GMPR: variants seen among roughly 807,000 people sequenced by gnomAD.
GMPR encodes the protein GMP reductase 1.
Under a neutral mutation model 38.4 loss-of-function variants are expected in GMPR, and 31 were observed. That is an observed-to-expected ratio of 0.81 (90% CI 0.61 to 1.09). The LOEUF (loss-of-function observed/expected upper bound fraction) is 1.09, where lower values mean the gene tolerates loss of function less well. Among genes scored for constraint, GMPR ranks in the 50% least tolerant of loss-of-function variants. GMPR has a pLI of 0.00. For missense variants in GMPR, 468 were observed against 453.7 expected, an observed-to-expected ratio of 1.03 and a Z score of -0.29; for synonymous variants, 162 against 173.3, an observed-to-expected ratio of 0.93 and a Z score of 0.51.
At chr6:16,246,498 G>C (rs1758757662) in intron 1 of GMPR, among the ~76,000 whole-genome samples, 1 of 152,184 alleles carries the variant, frequency 6.6e-6, no homozygotes, top group Non-Finnish European at 1.5e-5. Context: ...GCCATGGTTG[G>C]CAAGGAAGAG....
chr6:16,247,169 G>A (rs186087576), intron 2 of GMPR, among the ~76,000 whole-genome samples: 111 of 152,272 alleles, frequency 7.3e-4, no homozygotes, highest in Non-Finnish European at 1.4e-3. Context: ...CATTGCTTCT[G>A]TGAAAATGAC....
intron 6 of GMPR, 65 bp downstream of exon 6, chr6:16,278,955 C>T: frequency 1.1e-6 from 1 of 949,406 alleles, no homozygotes; most frequent in Non-Finnish European, 1.7e-6. Context: ...CGCTGCTCTT[C>T]TTTCACTGGC....
At chr6:16,265,828 A>T (rs1381981552) in intron 4 of GMPR, among the ~76,000 whole-genome samples, 1 of 151,464 alleles carries the variant, frequency 6.6e-6, no homozygotes, top group Middle Eastern at 3.4e-3. Context: ...CACGCCATGG[A>T]GGTTTTCTTC....
Position 16,276,610 on chromosome 6 carries a change from T to G in GMPR, c.547+2114T>G, listed in dbSNP as rs768390184. On this transcript the variant is annotated intron_variant, in intron 5 of 8. Transcript: ENST00000259727. ...CTGTATCTCCCCACCCCTCTGGCTGTCTGTGTAGGACAGATGTGACTAAAG... is the reference window on the plus strand; with the variant it reads ...CTGTATCTCCCCACCCCTCTGGCTGGCTGTGTAGGACAGATGTGACTAAAG... Among the ~76,000 whole-genome samples, 9 of 152,186 alleles carry G rather than the reference T, an allele frequency of 5.9e-5. No homozygotes were observed. In the South Asian group the frequency reaches 6.2e-4, roughly 11 times the overall value.
At chr6:16,281,377 A>G (rs2113698854) in intron 6 of GMPR, among the ~76,000 whole-genome samples, 1 of 152,276 alleles carries the variant, frequency 6.6e-6, no homozygotes, top group Middle Eastern at 3.4e-3. Context: ...AACTTCTCTG[A>G]ATTTAACAGT....
At chr6:16,263,788 T>C (rs545357963) in intron 4 of GMPR, among the ~76,000 whole-genome samples, 12 of 88,496 alleles carry the variant, frequency 1.4e-4, no homozygotes, top group Non-Finnish European at 2.9e-4. Flanking sequence ...GGTGCAGAGA[T>C]AGGTCAGGGC....
intron 2 of GMPR, among the ~76,000 whole-genome samples, chr6:16,249,446 A>T (rs946199232): frequency 6.6e-6 from 1 of 152,192 alleles, no homozygotes; most frequent in African/African-American, 2.4e-5. Flanking sequence ...CTGGGATTAC[A>T]GGAATGTGCC....
intron 4 of GMPR, 76 bp from the exon 5 acceptor site, chr6:16,274,339 G>T (rs752919227): frequency 2.1e-5 from 19 of 917,188 alleles, no homozygotes; most frequent in Non-Finnish European, 3.3e-5. Flanking sequence ...ACATCCTCGT[G>T]TTCAGGTGTG....
intron 4 of GMPR, among the ~76,000 whole-genome samples, chr6:16,271,220 T>G (rs928514005): frequency 5.3e-5 from 8 of 152,174 alleles, no homozygotes; most frequent in Non-Finnish European, 8.8e-5. Context: ...GCGCAGTGGC[T>G]CATGCCTGTA....
At chr6:16,249,913 G>T (rs1365640373) in intron 2 of GMPR, among the ~76,000 whole-genome samples, 1 of 152,174 alleles carries the variant, frequency 6.6e-6, no homozygotes, top group Non-Finnish European at 1.5e-5. Context: ...TCTGGGCAGG[G>T]GACCTGCTGC....
chr6:16,263,110 G>A (rs1032750120), intron 4 of GMPR: 9 of 152,004 alleles, frequency 5.9e-5, no homozygotes, highest in Non-Finnish European at 1.2e-4. Context: ...AAGACTCAGC[G>A]ACGCTTGGGG....
At chr6:16,276,888 T>C (rs183275002) in intron 5 of GMPR, among the ~76,000 whole-genome samples, 1 of 152,356 alleles carries the variant, frequency 6.6e-6, no homozygotes, top group African/African-American at 2.4e-5. Flanking sequence ...AACTTCTTCT[T>C]TCACCTAGGT....
chr6:16,287,187 G>T (rs1311612462), intron 7 of GMPR, among the ~76,000 whole-genome samples: 1 of 152,246 alleles, frequency 6.6e-6, no homozygotes, highest in Non-Finnish European at 1.5e-5. Context: ...AGAACAGGGA[G>T]AATACAGAGC....
chr6:16,279,330 T>A (rs758219181), intron 6 of GMPR, among the ~76,000 whole-genome samples: 4 of 152,186 alleles, frequency 2.6e-5, no homozygotes, highest in East Asian at 3.9e-4. Context: ...GACCTTCTGC[T>A]GGTTCCTTAG....
chr6:16,268,204 CATA>C (rs1759306119), intron 4 of GMPR, among the ~76,000 whole-genome samples: 1 of 152,318 alleles, frequency 6.6e-6, no homozygotes, highest in African/African-American at 2.4e-5. Flanking sequence ...TGAAGAGTCA[CATA>C]ATAAACTCAG....
At position 16,295,078 on chromosome 6, in the gene GMPR, G is replaced by T. The variant is rs748136127; in HGVS notation, c.930G>T (p.Gly310=). 7.5e-6 allele frequency: 12 copies of T among 1,601,078 alleles called. No individual in the cohort carries two copies. The Admixed American group carries it at 2.0e-4, about 26-fold the overall frequency. The change falls in exon 9 of 9, where the codon GGG becomes GGT. Residue 310 remains glycine (G), a synonymous_variant. Coordinates refer to ENST00000259727, the MANE Select transcript of GMPR (RefSeq NM_006877.4). ...DVENTILDIL[G]GLRSTCTYVG... ...AAAACACTATCCTGGATATTCTCGG[G>T]GGACTGAGGTCCACGTGCACCTACG...
intron 4 of GMPR, chr6:16,262,260 T>A (rs1759102522): frequency 1.3e-5 from 2 of 151,626 alleles, no homozygotes. Flanking sequence ...GCATCAGTCT[T>A]CAGCCGCTAA....
At chr6:16,291,983 C>T (rs181185308) in intron 8 of GMPR, among the ~76,000 whole-genome samples, 155 of 152,046 alleles carry the variant, frequency 1.0e-3, no homozygotes, top group Middle Eastern at 3.4e-3. Flanking sequence ...CTGTTACTCT[C>T]ATCAGGGTTA....
chr6:16,246,763 T>A, intron 1 of GMPR, 79 bp from the exon 2 acceptor site: 1 of 1,411,312 alleles, frequency 7.1e-7, no homozygotes, highest in Non-Finnish European at 9.8e-7. Flanking sequence ...CGCTCCAAAC[T>A]CCAGAAATTC....
Sources: allele counts gnomAD v4.1 joint callset (sites outside exome capture counted in the v4.1 genomes callset), GRCh38; gene constraint gnomAD v4.1.1; transcripts MANE v1.5; gene names NCBI Gene and HGNC (gene_info 2026-07-23, HGNC 2026-07-21).